Variants in TSPEAR observed in about 807,000 individuals in gnomAD.
TSPEAR encodes the protein thrombospondin-type laminin G domain and EAR repeat-containing protein.
A neutral mutation model predicts 71.6 loss-of-function variants in TSPEAR; 69 were observed. That is an observed-to-expected ratio of 0.96 (90% CI 0.79 to 1.18). The LOEUF is 1.18. TSPEAR is among the 50% of genes most tolerant of loss of function. TSPEAR has a pLI of 0.00. For synonymous variants in TSPEAR, 402 were observed against 387.2 expected (o/e 1.04, Z -0.45); for missense variants, 971 against 894.9 (o/e 1.09, Z -1.09).
chr21:44,681,978 C>A lies in TSPEAR; in HGVS notation c.82+29455G>T. ...GGGCACGCACACAGAGGACTGGCATCTCACGGGCACACACACGGCTGGCTT... is the reference window on the plus strand; with the variant it reads ...GGGCACGCACACAGAGGACTGGCATATCACGGGCACACACACGGCTGGCTT... On this transcript the variant is annotated intron_variant, in intron 1 of 11. Coordinates refer to ENST00000323084, the MANE Select transcript of TSPEAR (RefSeq NM_144991.3). 2.5e-6 allele frequency: 4 copies of A among 1,613,730 alleles called. No homozygotes were observed. The South Asian group carries it at 3.3e-5, about 13-fold the overall frequency.
Position 44,508,705 on chromosome 21 carries a change from G to C in TSPEAR, c.1754+494C>G, listed in dbSNP as rs587764858. The C allele has an allele frequency of 7.6e-5, 93 of 1,224,944 alleles. 2 individuals carry two copies. The African/African-American group carries it at 1.3e-3, about 18-fold the overall frequency. The allele number at this position is 1,224,944 out of a possible 1,614,324, so 75.9% of individuals were successfully genotyped here. A position where few individuals can be genotyped will look rare whatever the true frequency, so the allele number is the denominator to read the frequency against. ...ACAGACCCACCCTCCATGTTCCCTGGATCTCACATCTGTCTCAACAGGCCA... is the reference window on the plus strand; with the variant it reads ...ACAGACCCACCCTCCATGTTCCCTGCATCTCACATCTGTCTCAACAGGCCA... On this transcript the variant is annotated intron_variant, in intron 10 of 11. Coordinates refer to ENST00000323084, the MANE Select transcript of TSPEAR (RefSeq NM_144991.3).
intron 1 of TSPEAR, chr21:44,637,714 CTGTG>C (rs782607050): frequency 1.6e-6 from 2 of 1,231,066 alleles, no homozygotes; most frequent in African/African-American, 3.4e-5. Context: ...TGCCTGTCTG[CTGTG>C]TGCCCGTCTG....
intron 2 of TSPEAR, chr21:44,539,783 T>A: frequency 6.2e-7 from 1 of 1,610,672 alleles, no homozygotes; most frequent in Non-Finnish European, 8.5e-7. Context: ...GCTAGACTGC[T>A]GGCAGCATGA....
chr21:44,515,726 T>TG (rs2052545320), intron 9 of TSPEAR: 1 of 152,210 alleles, frequency 6.6e-6, no homozygotes, highest in Non-Finnish European at 1.5e-5. Context: ...CTCCACCACA[T>TG]CACCCGTGAC....
chr21:44,592,522 T>C (rs1297485491), intron 1 of TSPEAR: 2 of 1,571,406 alleles, frequency 1.3e-6, no homozygotes, highest in African/African-American at 2.8e-5. Context: ...GGAGTGAGCC[T>C]GTGAGGTGCT....
At chr21:44,606,211 A>G (rs1981305137) in intron 1 of TSPEAR, among the ~76,000 whole-genome samples, 1 of 151,624 alleles carries the variant, frequency 6.6e-6, no homozygotes, top group Non-Finnish European at 1.5e-5. Context: ...AATGGGCAAA[A>G]GACCTAAACA....
Position 44,580,486 on chromosome 21 carries a change from G to A in TSPEAR, c.83-12481C>T, listed in dbSNP as rs138620490. On this transcript the variant is annotated intron_variant, in intron 1 of 11. Transcript: ENST00000323084. ...CCAGGGTCAGGCAGGGGGCGGTGCC[G>A]CAGGGGGGCTCACAGCAGCTCTCTG... 1.6e-4 allele frequency: 261 copies of A among 1,613,230 alleles called. 3 individuals are homozygous for A. In the African/African-American group the frequency reaches 2.3e-3, roughly 14 times the overall value.
At chr21:44,601,072 T>A (rs1980825402) in intron 1 of TSPEAR, 1 of 1,609,274 alleles carries the variant, frequency 6.2e-7, no homozygotes, top group Non-Finnish European at 8.5e-7. Flanking sequence ...CTCCTCCCCC[T>A]GCCAGCAGGC....
chr21:44,500,732 T>C (rs1256346413), intron 11 of TSPEAR, among the ~76,000 whole-genome samples: 1 of 152,254 alleles, frequency 6.6e-6, no homozygotes, highest in Non-Finnish European at 1.5e-5. Flanking sequence ...TCCCTTATAA[T>C]GTTTATTCAC....
At chr21:44,552,377 A>T (rs1076848) in intron 2 of TSPEAR, among the ~76,000 whole-genome samples, 1 of 152,070 alleles carries the variant, frequency 6.6e-6, no homozygotes, top group South Asian at 2.1e-4. Flanking sequence ...CATGGCCTGA[A>T]GCTGGTTCTC....
At chr21:44,551,387 C>A (rs782142978) in intron 2 of TSPEAR, 1 of 1,613,322 alleles carries the variant, frequency 6.2e-7, no homozygotes, top group East Asian at 2.2e-5. Flanking sequence ...CACAGCAGCT[C>A]TCTGGGCAGT....
intron 10 of TSPEAR, among the ~76,000 whole-genome samples, chr21:44,505,279 A>G (rs587704959): frequency 1.3e-5 from 2 of 152,036 alleles, no homozygotes; most frequent in East Asian, 3.9e-4. Flanking sequence ...GGGTTTCACC[A>G]TGTTGTCCAG....
rs587757087 is a variant in TSPEAR at position 44,551,464 on chromosome 21, A to C, written c.303+16321T>G. On this transcript the variant is annotated intron_variant, in intron 2 of 11. Transcript: ENST00000323084. Reference sequence around the variant, plus strand: ...GACATGGTGGAGGCGGCCATGCTGGAGTGGGGAGGAGGTGAGCTGGGGGAG... The same window carrying C: ...GACATGGTGGAGGCGGCCATGCTGGCGTGGGGAGGAGGTGAGCTGGGGGAG... 14 of 1,601,502 alleles carry C rather than the reference A, an allele frequency of 8.7e-6. No homozygotes were observed. The East Asian group carries it at 3.1e-4, about 36-fold the overall frequency.
At position 44,509,268 on chromosome 21, in the gene TSPEAR, T is replaced by G. The variant is rs1455250843; in HGVS notation, c.1685A>C (p.Asn562Thr). Residue 562 changes from asparagine to threonine, a missense_variant, in exon 10 of 12, where the codon AAC (asparagine) becomes ACC (threonine). Transcript: ENST00000323084. Reference protein sequence around the residue: ...MQVQNDSYVINSVIYELNVTA... With the variant: ...MQVQNDSYVITSVIYELNVTA... The stretch of plus-strand genomic sequence containing the variant: ...CACGTTCAGCTCGTAGATGACGGAG[T>G]TGATGACATAGGAATCATTCTGGAC... The G allele has an allele frequency of 1.8e-5, 29 of 1,613,716 alleles. No homozygotes were observed. Among genetic ancestry groups the G allele is most frequent in the East Asian group, 1.1e-4 (5 of 44,858 alleles).
intron 11 of TSPEAR, among the ~76,000 whole-genome samples, chr21:44,501,858 A>AGAAAAAATCC (rs1569146738): frequency 6.6e-6 from 1 of 152,216 alleles, no homozygotes; most frequent in Non-Finnish European, 1.5e-5. Context: ...CAGAAATGAG[A>AGAAAAAATCC]GAAAAAATCC....
intron 2 of TSPEAR, among the ~76,000 whole-genome samples, chr21:44,534,281 T>TGG (rs1360129856): frequency 6.3e-5 from 1 of 15,822 alleles, no homozygotes; most frequent in Non-Finnish European, 1.1e-4. Context: ...GGGGTGGGGC[T>TGG]TGTGTGAGGG....
At chr21:44,698,075 C>A in intron 1 of TSPEAR, 1 of 1,092,438 alleles carries the variant, frequency 9.2e-7, no homozygotes, top group Non-Finnish European at 1.3e-6. Flanking sequence ...GAGATGCGTG[C>A]ACAGCCTCTC....
chr21:44,638,069 C>G (rs782723435), intron 1 of TSPEAR: 3 of 1,613,274 alleles, frequency 1.9e-6, no homozygotes, highest in South Asian at 1.1e-5. Context: ...CTCCTGCCAG[C>G]CCAGCTGCTG....
rs1205920519 is a variant in TSPEAR at position 44,710,748 on chromosome 21, C to A, written c.82+685G>T. Reference sequence around the variant, plus strand: ...AAATTTTGGTTTGATAAGTAAAATCCCTCAGTAGAAACTCTAGAAAAGTAT... The same window carrying A: ...AAATTTTGGTTTGATAAGTAAAATCACTCAGTAGAAACTCTAGAAAAGTAT... On this transcript the variant is annotated intron_variant, in intron 1 of 11. Transcript: ENST00000323084. The surrounding 1 kb of genome is among the most constrained non-coding windows in gnomAD (Gnocchi z 4.6). Among the ~76,000 whole-genome samples the A allele has an allele frequency of 6.6e-6, 1 of 152,130 alleles. No individual in the cohort carries two copies. The highest frequency in any genetic ancestry group is 1.5e-5 in the Non-Finnish European group (1 of 68,026).
Sources: allele counts gnomAD v4.1 joint callset (sites outside exome capture counted in the v4.1 genomes callset), GRCh38; gene constraint gnomAD v4.1.1; non-coding constraint Gnocchi (gnomAD v3.1); transcripts MANE v1.5; gene names NCBI Gene and HGNC (gene_info 2026-07-23, HGNC 2026-07-21).